DAB1: variants seen among roughly 807,000 people sequenced by gnomAD.
DAB1 encodes the protein disabled homolog 1.
A neutral mutation model predicts 64.6 loss-of-function variants in DAB1; 15 were observed. The observed-to-expected ratio is 0.23, with a 90% confidence interval of 0.16 to 0.36. The LOEUF (loss-of-function observed/expected upper bound fraction) is 0.36. Ranked by LOEUF, DAB1 falls within the 10% of genes least tolerant of loss-of-function variation. The probability of loss-of-function intolerance (pLI) is 1.00; values close to 1 mark genes in which losing one functional copy is unlikely to be tolerated. For synonymous variants in DAB1, 235 were observed against 251.9 expected (o/e 0.93, Z 0.64); for missense variants, 596 against 706.7 (o/e 0.84, Z 1.78).
rs548120495 is a variant in DAB1 at position 58,350,287 on chromosome 1, AC to A, written n.258-6885del. On this transcript the variant is annotated intron_variant and non_coding_transcript_variant, in intron 3 of 20. Transcript: ENST00000485760. The stretch of plus-strand genomic sequence containing the variant: ...AAATGTCTGCTCATATCCTCTGCAC[AC>A]TTTTTGATGGGGTTGTTTGTTTTTC... 2.0e-3 allele frequency among the ~76,000 whole-genome samples: 298 copies of A among 152,214 alleles called. 1 individual carries two copies. The highest frequency in any genetic ancestry group is 7.0e-3 in the African/African-American group (291 of 41,530).
chr1:57,108,935 G>A (rs1350925467), intron 4 of DAB1, among the ~76,000 whole-genome samples: 2 of 152,176 alleles, frequency 1.3e-5, no homozygotes, highest in Non-Finnish European at 2.9e-5. Flanking sequence ...GTTGCACCAA[G>A]GCTGGTATTG....
intron 1 of DAB1, among the ~76,000 whole-genome samples, chr1:58,536,241 C>T (rs1273487213): frequency 8.6e-5 from 13 of 152,014 alleles, no homozygotes; most frequent in African/African-American, 4.8e-5. Context: ...CCCTGCCTAA[C>T]CCAGTCTGGA....
chr1:57,444,868 G>A lies in DAB1; in HGVS notation n.626-153702C>T, dbSNP rs557876476. ...AACACGTCTGTAGATTTAAGTCACC[G>A]TGTTTGTGGTAGTTTATTACAGCAG... On this transcript the variant is annotated intron_variant and non_coding_transcript_variant, in intron 7 of 20. Transcript: ENST00000485760. 1.5e-3 allele frequency among the ~76,000 whole-genome samples: 229 copies of A among 152,288 alleles called. 1 individual carries two copies. Among genetic ancestry groups the A allele is most frequent in the African/African-American group, 1.5e-3 (62 of 41,554 alleles).
chr1:57,339,915 G>C (rs769496289), intron 1 of DAB1, among the ~76,000 whole-genome samples: 25 of 152,152 alleles, frequency 1.6e-4, no homozygotes, highest in Non-Finnish European at 3.1e-4. Context: ...TAATTTTCAA[G>C]TCATCGCCAG....
intron 9 of DAB1, among the ~76,000 whole-genome samples, chr1:57,050,458 C>T (rs1273253154): frequency 6.6e-6 from 1 of 152,238 alleles, no homozygotes; most frequent in Non-Finnish European, 1.5e-5. Context: ...CATGGAGGCA[C>T]CCTATGGTCC....
Position 58,452,865 on chromosome 1 carries a change from C to A in DAB1, n.257+53195G>T, listed in dbSNP as rs559101091. Among the ~76,000 whole-genome samples the A allele has an allele frequency of 1.7e-3, 260 of 149,914 alleles. 2 individuals carry two copies. The highest frequency in any genetic ancestry group is 6.3e-3 in the African/African-American group (254 of 40,324). On this transcript the variant is annotated intron_variant and non_coding_transcript_variant, in intron 3 of 20. Transcript: ENST00000485760. ...AACAAAAAACAAAACAAAAAAAAAA[C>A]AAAGCTAAACCTACACTTGCCATAC...
intron 5 of DAB1, chr1:58,074,537 TA>T (rs1557638859): frequency 1.4e-4 from 16 of 110,426 alleles, no homozygotes; most frequent in Non-Finnish European, 5.3e-5. Context: ...TATATATATA[TA>T]TATATACACA....
chr1:58,266,271 G>A (rs899137340), intron 4 of DAB1, among the ~76,000 whole-genome samples: 10 of 152,186 alleles, frequency 6.6e-5, no homozygotes, highest in African/African-American at 2.4e-5. Context: ...CCTACAGGGT[G>A]GTAGGTCTGA....
At chr1:58,452,080 G>C (rs1359043419) in intron 3 of DAB1, among the ~76,000 whole-genome samples, 1 of 151,830 alleles carries the variant, frequency 6.6e-6, no homozygotes, top group African/African-American at 2.4e-5. Flanking sequence ...TTACAGGTGC[G>C]AGCCAACACG....
At chr1:57,929,144 C>T (rs1349743652) in intron 5 of DAB1, among the ~76,000 whole-genome samples, 1 of 152,174 alleles carries the variant, frequency 6.6e-6, no homozygotes, top group Admixed American at 6.5e-5. Context: ...AATAGGTGTG[C>T]AGTGGTATCT....
chr1:58,497,659 G>A (rs529623352), intron 3 of DAB1, among the ~76,000 whole-genome samples: 1 of 152,192 alleles, frequency 6.6e-6, no homozygotes, highest in East Asian at 1.9e-4. Context: ...TATCTACGAA[G>A]GAAATCTCTA....
intron 1 of DAB1, among the ~76,000 whole-genome samples, chr1:57,867,670 G>A (rs1179572772): frequency 6.6e-6 from 1 of 152,028 alleles, no homozygotes; most frequent in Non-Finnish European, 1.5e-5. Context: ...ATAATTCCAG[G>A]GCTCTCCATT....
At chr1:57,393,934 T>C (rs192074845) in intron 1 of DAB1, among the ~76,000 whole-genome samples, 10 of 152,192 alleles carry the variant, frequency 6.6e-5, no homozygotes, top group African/African-American at 2.4e-4. Flanking sequence ...TAGGGCAAGA[T>C]AGGTGGCCCA....
intron 4 of DAB1, among the ~76,000 whole-genome samples, chr1:58,158,197 C>A (rs2100744497): frequency 6.6e-6 from 1 of 152,206 alleles, no homozygotes; most frequent in Non-Finnish European, 1.5e-5. Flanking sequence ...GCCACAGACC[C>A]AAACAGAGCT....
chr1:57,326,176 T>G (rs941879767), intron 1 of DAB1, among the ~76,000 whole-genome samples: 4 of 152,240 alleles, frequency 2.6e-5, no homozygotes, highest in Non-Finnish European at 5.9e-5. Flanking sequence ...GCTCCAGATC[T>G]TTCCATAATT....
At chr1:57,504,094 A>G (rs956749470) in intron 7 of DAB1, among the ~76,000 whole-genome samples, 4 of 152,220 alleles carry the variant, frequency 2.6e-5, no homozygotes, top group Non-Finnish European at 5.9e-5. Context: ...TCTGGCAGAC[A>G]GGAGGCATTA....
intron 2 of DAB1, among the ~76,000 whole-genome samples, chr1:57,217,107 G>A (rs1030966456): frequency 1.3e-5 from 2 of 152,136 alleles, no homozygotes; most frequent in African/African-American, 2.4e-5. Flanking sequence ...TCTCAGGATG[G>A]CACAGATAAC....
In DAB1 at chr1:58,011,314, A is replaced by G. The variant is rs574978402; in HGVS notation, n.388-127152T>C. 3.3e-5 allele frequency among the ~76,000 whole-genome samples: 5 copies of G among 152,352 alleles called. No homozygotes were observed. The South Asian group carries it at 8.3e-4, about 25-fold the overall frequency. ...GCCATCTGTATTTCTGTACTTTTAT[A>G]AATGAAATTGGCAGATCTGGAAGGG... On this transcript the variant is annotated intron_variant and non_coding_transcript_variant, in intron 5 of 20. Transcript: ENST00000485760.
chr1:57,297,965 C>G (rs1673339033), intron 1 of DAB1, among the ~76,000 whole-genome samples: 1 of 152,268 alleles, frequency 6.6e-6, no homozygotes, highest in East Asian at 1.9e-4. Flanking sequence ...GAGCTCTAAG[C>G]TTCCTCTCTA....
Sources: gnomAD v4.1 joint callset for allele counts (sites outside exome capture counted in the v4.1 genomes callset) on GRCh38, gnomAD v4.1.1 for gene constraint, MANE v1.5 for transcripts, NCBI Gene and HGNC (gene_info 2026-07-23, HGNC 2026-07-21) for gene names.